KCNT1: variants seen among roughly 807,000 people sequenced by gnomAD.
The protein encoded by KCNT1 is potassium sodium-activated channel subfamily T member 1, also known as potassium channel subfamily T member 1.
A neutral mutation model predicts 147.8 loss-of-function variants in KCNT1; 78 were observed. That is an observed-to-expected ratio of 0.53 (90% CI 0.44 to 0.64). KCNT1 has a LOEUF of 0.64. Among genes scored for constraint, KCNT1 ranks in the 30% least tolerant of loss-of-function variants. KCNT1 has a pLI of 0.00. For synonymous variants in KCNT1, 867 were observed against 748.8 expected (o/e 1.16, Z -2.58); for missense variants, 1,419 against 1,750.3 (o/e 0.81, Z 3.38).
At chr9:135,749,670 C>T (rs1307321663) in intron 2 of KCNT1, among the ~76,000 whole-genome samples, 2 of 152,384 alleles carry the variant, frequency 1.3e-5, no homozygotes, top group African/African-American at 2.4e-5. Context: ...GCCTGTATGA[C>T]GCAGGTCCTA....
In KCNT1 at chr9:135,730,252, G is replaced by GTGGA. The variant is rs1477382206; in HGVS notation, c.254+15533_254+15536dup. 6.6e-6 allele frequency among the ~76,000 whole-genome samples: 1 copy of GTGGA among 152,178 alleles called. No individual in the cohort carries two copies. Among genetic ancestry groups the GTGGA allele is most frequent in the African/African-American group, 2.4e-5 (1 of 41,440 alleles). On this transcript the variant is annotated intron_variant, in intron 2 of 30. Coordinates refer to ENST00000371757, the MANE Select transcript of KCNT1 (RefSeq NM_020822.3). The surrounding 1 kb of genome is among the most constrained non-coding windows in gnomAD (Gnocchi z 4.7). Reference sequence around the variant, plus strand: ...GGACTCCCCCTTCGGAGCATCAGGTGTGGACCCATGGAGTTCCGTGGACCT... The same window carrying GTGGA: ...GGACTCCCCCTTCGGAGCATCAGGTGTGGATGGACCCATGGAGTTCCGTGGACCT...
At chr9:135,754,763 G>A (rs527369725) in intron 5 of KCNT1, among the ~76,000 whole-genome samples, 5 of 152,206 alleles carry the variant, frequency 3.3e-5, no homozygotes. Flanking sequence ...ACCCAGTCTG[G>A]GGCCCAGGCT....
At chr9:135,707,645 G>A (rs966767657) in intron 1 of KCNT1, among the ~76,000 whole-genome samples, 1 of 152,154 alleles carries the variant, frequency 6.6e-6, no homozygotes, top group African/African-American at 2.4e-5. Flanking sequence ...CCTGCTGCAG[G>A]GGGTGGGGAC....
chr9:135,717,631 G>A (rs558500), intron 2 of KCNT1, among the ~76,000 whole-genome samples: 40,223 of 152,086 alleles, frequency 0.26, 5,920 homozygotes, highest in East Asian at 0.5. Context: ...GCCGCTGCCC[G>A]GCACAGCTGA....
intron 2 of KCNT1, among the ~76,000 whole-genome samples, chr9:135,729,117 G>A (rs1250643638): frequency 6.6e-5 from 10 of 152,220 alleles, no homozygotes; most frequent in African/African-American, 2.4e-4. Flanking sequence ...GGTATACACG[G>A]GAGATATAAT....
chr9:135,785,218 C>A, intron 27 of KCNT1, 92 bp from the exon 28 acceptor site: 1 of 1,565,024 alleles, frequency 6.4e-7, no homozygotes, highest in Non-Finnish European at 8.7e-7. Context: ...GCCCACCAGC[C>A]CTAAGCATGT....
In KCNT1 at chr9:135,768,276, G is replaced by C. The variant is rs867869597; in HGVS notation, c.1338-334G>C. 7.0e-3 allele frequency among the ~76,000 whole-genome samples: 438 copies of C among 62,820 alleles called. 73 individuals carry two copies. Among genetic ancestry groups the C allele is most frequent in the African/African-American group, 0.023 (308 of 13,428 alleles). The allele number at this position is 62,820 out of a possible 152,430, so 41.2% of individuals were successfully genotyped here. On this transcript the variant is annotated intron_variant, in intron 13 of 30. Transcript: ENST00000371757. ...GGGGGGGCACTGGGATACCGGTGGGGGGGGCACAGGGATGCCTGCTGGTGG... is the reference window on the plus strand; with the variant it reads ...GGGGGGGCACTGGGATACCGGTGGGCGGGGCACAGGGATGCCTGCTGGTGG...
chr9:135,725,132 A>G (rs1340210707), intron 2 of KCNT1, among the ~76,000 whole-genome samples: 4 of 152,298 alleles, frequency 2.6e-5, no homozygotes, highest in African/African-American at 9.6e-5. Context: ...CTCCCTGCAC[A>G]GACAGGAAAA....
intron 16 of KCNT1, 29 bp downstream of exon 16, chr9:135,770,084 C>A: frequency 1.3e-6 from 2 of 1,530,060 alleles, no homozygotes; most frequent in East Asian, 2.5e-5. Flanking sequence ...GGGGGACCGA[C>A]CTCCATGGCG....
At chr9:135,784,735 G>A (rs1395964035) in intron 26 of KCNT1, 26 bp from the exon 27 acceptor site, 1 of 1,610,646 alleles carries the variant, frequency 6.2e-7, no homozygotes, top group South Asian at 1.1e-5. Context: ...ACCTGCCCCA[G>A]CCAACTCAGG....
At chr9:135,762,840 C>T (rs987114110) in intron 11 of KCNT1, among the ~76,000 whole-genome samples, 4 of 152,238 alleles carry the variant, frequency 2.6e-5, no homozygotes, top group Non-Finnish European at 4.4e-5. Context: ...GGGAAATTCA[C>T]GGAACAAATG....
chr9:135,768,817 C>A lies in KCNT1; in HGVS notation c.1402-12C>A. On this transcript the variant is annotated splice_polypyrimidine_tract_variant and intron_variant, in intron 14 of 30. Transcript: ENST00000371757. ...CAGCCCGTCTGCACTGACCAACCAC[C>A]CACCCCGCCAGGACCACCAGACCAT... The A allele has an allele frequency of 6.2e-7, 1 of 1,606,172 alleles. No individual in the cohort carries two copies. The highest frequency in any genetic ancestry group is 8.5e-7 in the Non-Finnish European group (1 of 1,175,972).
chr9:135,734,704 C>A (rs145616977), intron 2 of KCNT1, among the ~76,000 whole-genome samples: 2 of 152,170 alleles, frequency 1.3e-5, no homozygotes, highest in African/African-American at 2.4e-5. Flanking sequence ...GCAGCCGCCC[C>A]GGGTGGGCGC....
At position 135,726,220 on chromosome 9, in the gene KCNT1, G is replaced by A. The variant is rs369761943; in HGVS notation, c.254+11500G>A. On this transcript the variant is annotated intron_variant, in intron 2 of 30. Coordinates refer to ENST00000371757, the MANE Select transcript of KCNT1 (RefSeq NM_020822.3). ...GGGGCAGGGGCAGCTGAGGGCCTGCGGTGGATGCTCCCAGCCCCTCTCCAC... is the reference window on the plus strand; with the variant it reads ...GGGGCAGGGGCAGCTGAGGGCCTGCAGTGGATGCTCCCAGCCCCTCTCCAC... Among the ~76,000 whole-genome samples the A allele has an allele frequency of 9.9e-5, 15 of 152,218 alleles. No individual in the cohort carries two copies. The South Asian group carries it at 2.5e-3, about 25-fold the overall frequency.
At chr9:135,707,821 T>C (rs895659534) in intron 1 of KCNT1, among the ~76,000 whole-genome samples, 10 of 152,198 alleles carry the variant, frequency 6.6e-5, no homozygotes, top group African/African-American at 2.2e-4. Context: ...AGAAAGCTGC[T>C]CTGAAGTCTG....
chr9:135,775,825 C>T (rs936831891), intron 20 of KCNT1, among the ~76,000 whole-genome samples: 6 of 152,216 alleles, frequency 3.9e-5, no homozygotes, highest in African/African-American at 9.7e-5. Flanking sequence ...CCGAGGGCCC[C>T]GAAGGCCTTC....
Position 135,777,382 on chromosome 9 carries a change from C to T in KCNT1, c.2394C>T (p.Phe798=). The change falls in exon 21 of 31, where the codon TTC becomes TTT. Residue 798 remains phenylalanine (F), a synonymous_variant. Coordinates refer to ENST00000371757, the MANE Select transcript of KCNT1 (RefSeq NM_020822.3). ...NSYEDAKAYG[F]KNKLIIVSAE... ...ATGAAGACGCCAAGGCCTACGGGTTCAAGAACAAGCTGATCATCGTCTCGG... is the reference window on the plus strand; with the variant it reads ...ATGAAGACGCCAAGGCCTACGGGTTTAAGAACAAGCTGATCATCGTCTCGG... 2 of 1,614,078 alleles carry T rather than the reference C, an allele frequency of 1.2e-6. No individual in the cohort carries two copies. Among genetic ancestry groups the T allele is most frequent in the African/African-American group, 1.3e-5 (1 of 75,040 alleles).
Position 135,714,745 on chromosome 9 carries a change from G to C in KCNT1, c.254+25G>C. ...GGTAGGGACCGGGCGCGGGGTGGGG[G>C]CTGGGGTCGCCGTCCCGGCGCCGCC... On this transcript the variant is annotated intron_variant, in intron 2 of 30. Coordinates refer to ENST00000371757, the MANE Select transcript of KCNT1 (RefSeq NM_020822.3). This position sits in a 1 kb window ranked among gnomAD's most constrained non-coding sequence, Gnocchi z 6.2. 1 of 1,268,716 alleles carries C rather than the reference G, an allele frequency of 7.9e-7. No individual in the cohort carries two copies. The highest frequency in any genetic ancestry group is 2.0e-5 in the South Asian group (1 of 50,218). The allele number at this position is 1,268,716 out of a possible 1,614,324, so 78.6% of individuals were successfully genotyped here.
intron 24 of KCNT1, among the ~76,000 whole-genome samples, chr9:135,782,677 C>T (rs1375322633): frequency 6.7e-6 from 1 of 148,248 alleles, no homozygotes; most frequent in African/African-American, 2.6e-5. Context: ...TTCCACGTCT[C>T]TCTCTGGCCC....
Sources: gnomAD v4.1 joint callset for allele counts (sites outside exome capture counted in the v4.1 genomes callset) on GRCh38, gnomAD v4.1.1 for gene constraint, Gnocchi (gnomAD v3.1) non-coding constraint, MANE v1.5 for transcripts, NCBI Gene and HGNC (gene_info 2026-07-23, HGNC 2026-07-21) for gene names.